Variants in PDE5A observed in about 807,000 individuals in gnomAD.
The protein encoded by PDE5A is phosphodiesterase 5A, also known as cGMP-specific 3',5'-cyclic phosphodiesterase.
PDE5A carries 67 observed loss-of-function variants against 110.2 expected under a neutral mutation model. The observed-to-expected ratio is 0.61, with a 90% CI of 0.50 to 0.75. The LOEUF (loss-of-function observed/expected upper bound fraction) is 0.75. PDE5A is among the 30% of genes least tolerant of loss of function. PDE5A has a pLI of 0.00. For synonymous variants in PDE5A, 328 were observed against 351.2 expected, an observed-to-expected ratio of 0.93 and a Z score of 0.74; for missense variants, 862 against 1,045.1, an observed-to-expected ratio of 0.82 and a Z score of 2.42.
chr4:119,557,762 A>C (rs1727592875), intron 7 of PDE5A, among the ~76,000 whole-genome samples: 1 of 152,202 alleles, frequency 6.6e-6, no homozygotes, highest in Non-Finnish European at 1.5e-5. Context: ...CACAGCTAGT[A>C]AGCCCAGTAT....
At chr4:119,599,712 TACACACACACACACACAC>T (rs3056797) in intron 2 of PDE5A, among the ~76,000 whole-genome samples, 2 of 147,348 alleles carry the variant, frequency 1.4e-5, no homozygotes, top group East Asian at 4.0e-4. Context: ...CAAGTGTGTA[TACACACACACACACACAC>T]ACACACACAC....
At chr4:119,507,577 T>C in intron 16 of PDE5A, 27 bp downstream of exon 16, 1 of 1,351,270 alleles carries the variant, frequency 7.4e-7, no homozygotes, top group Non-Finnish European at 1.0e-6. Context: ...CAAATACCTA[T>C]TTCTCAGGTT....
At position 119,525,497 on chromosome 4, in the gene PDE5A, TAC is replaced by T. The variant is rs141680876; in HGVS notation, c.1779+50_1779+51del. The stretch of plus-strand genomic sequence containing the variant: ...TTCAAAACCAATTCTCTCTCTTACA[TAC>T]ACACACACATACACATAGACTTTTC... On this transcript the variant is annotated intron_variant, in intron 12 of 20. Coordinates refer to ENST00000354960, the MANE Select transcript of PDE5A (RefSeq NM_001083.4). The surrounding 1 kb of genome is among the most constrained non-coding windows in gnomAD (Gnocchi z 4.3). 6.8e-5 allele frequency: 104 copies of T among 1,526,500 alleles called. No individual in the cohort carries two copies. Among genetic ancestry groups the T allele is most frequent in the South Asian group, 1.7e-4 (14 of 80,572 alleles). 94.6% of individuals were successfully genotyped at this position (1,526,500 alleles called of 1,614,324 possible).
chr4:119,508,168 T>C (rs1026029081), intron 15 of PDE5A, among the ~76,000 whole-genome samples: 2 of 151,988 alleles, frequency 1.3e-5, no homozygotes, highest in African/African-American at 4.8e-5. Context: ...TCAGTTATGA[T>C]AACAGTGCAT....
intron 3 of PDE5A, among the ~76,000 whole-genome samples, chr4:119,592,455 T>TAAAAAAAAA (rs1729009172): frequency 3.3e-5 from 1 of 30,426 alleles, no homozygotes; most frequent in Admixed American, 5.5e-4. Context: ...GAGACTCTGT[T>TAAAAAAAAA]TAAAAAAAAA....
At chr4:119,506,539 C>G (rs1206403089) in intron 16 of PDE5A, among the ~76,000 whole-genome samples, 1 of 151,562 alleles carries the variant, frequency 6.6e-6, no homozygotes, top group African/African-American at 2.4e-5. Flanking sequence ...AGACACAAGA[C>G]TCAAGAAAAA....
chr4:119,550,922 A>G (rs1402420189), intron 9 of PDE5A, among the ~76,000 whole-genome samples: 2 of 152,172 alleles, frequency 1.3e-5, no homozygotes, highest in African/African-American at 4.8e-5. Context: ...TTTATTGCTT[A>G]TGTTAGAGAT....
intron 2 of PDE5A, among the ~76,000 whole-genome samples, chr4:119,599,506 C>G (rs1416319770): frequency 1.3e-5 from 2 of 151,660 alleles, no homozygotes; most frequent in Non-Finnish European, 2.9e-5. Flanking sequence ...TTAAAATAGT[C>G]AAATGAAAAT....
At chr4:119,611,018 A>C (rs907374156) in intron 1 of PDE5A, among the ~76,000 whole-genome samples, 1 of 152,156 alleles carries the variant, frequency 6.6e-6, no homozygotes, top group African/African-American at 2.4e-5. Context: ...TCCCCTACAA[A>C]TAGGTTCCTC....
intron 9 of PDE5A, among the ~76,000 whole-genome samples, chr4:119,544,600 A>G (rs1413640131): frequency 6.6e-6 from 1 of 152,164 alleles, no homozygotes; most frequent in African/African-American, 2.4e-5. Flanking sequence ...TCACATCACA[A>G]TGGAATTGCC....
At chr4:119,549,601 C>T (rs1383138785) in intron 9 of PDE5A, 1 of 151,892 alleles carries the variant, frequency 6.6e-6, no homozygotes, top group East Asian at 1.9e-4. Context: ...GGGAATAGGA[C>T]TAGTTTCTGC....
intron 3 of PDE5A, among the ~76,000 whole-genome samples, chr4:119,585,701 C>T (rs542861594): frequency 2.0e-5 from 3 of 152,318 alleles, no homozygotes; most frequent in African/African-American, 2.4e-5. Flanking sequence ...CTTTCAAGAG[C>T]TGGAGCCTAA....
chr4:119,576,992 A>C (rs1269441766), intron 3 of PDE5A, among the ~76,000 whole-genome samples: 1 of 152,220 alleles, frequency 6.6e-6, no homozygotes, highest in Non-Finnish European at 1.5e-5. Flanking sequence ...GCAATAAAAA[A>C]TGATAAAGGG....
At chr4:119,597,646 T>C (rs1729198369) in intron 2 of PDE5A, among the ~76,000 whole-genome samples, 1 of 152,132 alleles carries the variant, frequency 6.6e-6, no homozygotes, top group Non-Finnish European at 1.5e-5. Context: ...AACTACGCAG[T>C]TGGAATTCCC....
chr4:119,580,286 G>C (rs1040343509), intron 3 of PDE5A, among the ~76,000 whole-genome samples: 1 of 152,052 alleles, frequency 6.6e-6, no homozygotes, highest in African/African-American at 2.4e-5. Context: ...AGAACTAAAG[G>C]GACTTTTTGC....
intron 1 of PDE5A, among the ~76,000 whole-genome samples, chr4:119,619,150 CA>C (rs879283474): frequency 3.9e-5 from 6 of 152,130 alleles, no homozygotes; most frequent in Non-Finnish European, 7.4e-5. Flanking sequence ...AGGGAAAACA[CA>C]AAATAACTCA....
intron 11 of PDE5A, among the ~76,000 whole-genome samples, chr4:119,534,493 T>C (rs55826301): frequency 0.19 from 28,501 of 152,054 alleles, 3,367 homozygotes; most frequent in Middle Eastern, 0.3. Context: ...ATACTGACTA[T>C]ATCTCCATTC....
intron 19 of PDE5A, 136 bp from the exon 20 acceptor site, chr4:119,501,389 C>A: frequency 1.7e-6 from 1 of 602,548 alleles, no homozygotes; most frequent in Non-Finnish European, 3.0e-6. Context: ...CAGCTCACTG[C>A]AACCTCCACC....
intron 20 of PDE5A, chr4:119,499,899 T>C (rs762504508): frequency 1.3e-5 from 2 of 152,036 alleles, no homozygotes; most frequent in Non-Finnish European, 2.9e-5. Context: ...TCTGTAATAA[T>C]ATTAAAAATA....
Sources: gnomAD v4.1 joint callset for allele counts (sites outside exome capture counted in the v4.1 genomes callset) on GRCh38, gnomAD v4.1.1 for gene constraint, Gnocchi (gnomAD v3.1) non-coding constraint, MANE v1.5 for transcripts, NCBI Gene and HGNC (gene_info 2026-07-23, HGNC 2026-07-21) for gene names.